TTLL7: variants seen among roughly 807,000 people sequenced by gnomAD.
TTLL7 encodes tubulin tyrosine ligase like 7, also known as tubulin polyglutamylase TTLL7.
TTLL7 carries 53 observed loss-of-function variants against 120.2 expected under a neutral mutation model. That is an observed-to-expected ratio of 0.44 (90% CI 0.35 to 0.55). The LOEUF is 0.55. Among genes scored for constraint, TTLL7 ranks in the 20% least tolerant of loss-of-function variants. The pLI is 0.00. For missense variants in TTLL7, 803 were observed against 1,054.7 expected, an observed-to-expected ratio of 0.76 and a Z score of 3.31; for synonymous variants, 353 against 351.7, an observed-to-expected ratio of 1.00 and a Z score of -0.04.
At chr1:83,904,204 A>G in intron 17 of TTLL7, 45 bp from the exon 18 acceptor site, 1 of 1,436,718 alleles carries the variant, frequency 7.0e-7, no homozygotes, top group Non-Finnish European at 9.7e-7. Flanking sequence ...GTTGAAACCC[A>G]TTTTTTAAAT....
intron 14 of TTLL7, among the ~76,000 whole-genome samples, chr1:83,914,353 G>C (rs1033668084): frequency 1.3e-5 from 1 of 74,788 alleles, no homozygotes; most frequent in African/African-American, 4.9e-5. Flanking sequence ...TTTTTTGTGA[G>C]ACAGAGTCTT....
chr1:83,953,961 C>A (rs2100867329), intron 1 of TTLL7, among the ~76,000 whole-genome samples: 1 of 152,256 alleles, frequency 6.6e-6, no homozygotes, highest in African/African-American at 2.4e-5. Flanking sequence ...CAATGCCAAG[C>A]TGGAAACAGA....
chr1:83,946,964 T>A (rs1571273067), intron 6 of TTLL7, among the ~76,000 whole-genome samples, 160 bp downstream of exon 6: 1 of 152,218 alleles, frequency 6.6e-6, no homozygotes, highest in Non-Finnish European at 1.5e-5. Context: ...TTTAAAAGAA[T>A]AGAGATCATT....
intron 1 of TTLL7, among the ~76,000 whole-genome samples, chr1:83,970,369 T>G (rs1650861044): frequency 6.6e-6 from 1 of 152,106 alleles, no homozygotes; most frequent in Non-Finnish European, 1.5e-5. Context: ...TATATTTGTA[T>G]GAGGTGCTAT....
At chr1:83,953,893 T>C (rs776166519) in intron 1 of TTLL7, among the ~76,000 whole-genome samples, 20 of 152,142 alleles carry the variant, frequency 1.3e-4, no homozygotes, top group East Asian at 7.7e-4. Flanking sequence ...TTCTGGGAAT[T>C]TGCAATACTT....
intron 20 of TTLL7, among the ~76,000 whole-genome samples, chr1:83,879,218 T>C (rs187135610): frequency 6.6e-6 from 1 of 152,148 alleles, no homozygotes; most frequent in Admixed American, 6.6e-5. Flanking sequence ...AAAAGAAATA[T>C]GGCCACTTTT....
intron 18 of TTLL7, among the ~76,000 whole-genome samples, chr1:83,899,337 A>T (rs185424515): frequency 7.7e-4 from 117 of 152,048 alleles, no homozygotes; most frequent in African/African-American, 2.1e-3. Flanking sequence ...CCCAATAATC[A>T]TGAGACTAGC....
At chr1:83,942,044 C>T (rs1333078609) in intron 7 of TTLL7, among the ~76,000 whole-genome samples, 3 of 152,156 alleles carry the variant, frequency 2.0e-5, no homozygotes, top group East Asian at 1.9e-4. Context: ...ACATGTTATA[C>T]AAAGCCTGCT....
chr1:83,927,138 T>C (rs889395148), intron 10 of TTLL7, among the ~76,000 whole-genome samples: 5 of 152,190 alleles, frequency 3.3e-5, no homozygotes, highest in African/African-American at 9.7e-5. Flanking sequence ...TTTATATTCT[T>C]CTGAATTTCC....
Position 83,947,141 on chromosome 1 carries a change from A to G in TTLL7, c.489T>C (p.Asn163=), listed in dbSNP as rs1489595959. Residue 163 remains asparagine (N), a synonymous_variant, in exon 6 of 21, where the codon AAT becomes AAC. Transcript: ENST00000260505. ...AAACCTACCCATGACCCATTGCACC[A>G]TTAGCTGGTTTCACTATAAAAGTTT... ...KQKTFIVKPA[N]GAMGHGISLI... 2 of 1,612,062 alleles carry G rather than the reference A, an allele frequency of 1.2e-6. No homozygotes were observed. Among genetic ancestry groups the G allele is most frequent in the South Asian group, 2.2e-5 (2 of 90,502 alleles).
chr1:83,979,055 CAG>C (rs1054337423), intron 1 of TTLL7: 2 of 152,226 alleles, frequency 1.3e-5, no homozygotes, highest in African/African-American at 2.4e-5. Context: ...TGCTTAGCTT[CAG>C]CAGCCCGCAA....
chr1:83,952,111 A>G (rs1649122457), intron 2 of TTLL7, 76 bp downstream of exon 2: 2 of 1,533,356 alleles, frequency 1.3e-6, no homozygotes, highest in Non-Finnish European at 1.8e-6. Context: ...ATTAATTTTT[A>G]ATACTTTAAA....
chr1:83,966,461 G>A (rs1408160385), intron 1 of TTLL7, among the ~76,000 whole-genome samples: 1 of 151,840 alleles, frequency 6.6e-6, no homozygotes, highest in Non-Finnish European at 1.5e-5. Context: ...TATTCCATAG[G>A]ATCAGCTACA....
intron 2 of TTLL7, 57 bp downstream of exon 2, chr1:83,952,130 C>G: frequency 1.3e-6 from 2 of 1,522,626 alleles, no homozygotes; most frequent in Non-Finnish European, 1.8e-6. Context: ...AAAATATTAA[C>G]AGTAATGATG....
At chr1:83,974,324 G>C (rs1209848218) in intron 1 of TTLL7, among the ~76,000 whole-genome samples, 2 of 151,706 alleles carry the variant, frequency 1.3e-5, no homozygotes, top group African/African-American at 4.8e-5. Context: ...CAAAGACTAC[G>C]ACAAAATTAG....
At chr1:83,875,683 A>T (rs1263162123) in intron 20 of TTLL7, among the ~76,000 whole-genome samples, 1 of 151,870 alleles carries the variant, frequency 6.6e-6, no homozygotes, top group Non-Finnish European at 1.5e-5. Flanking sequence ...ATATGCAGTG[A>T]TTCTGACATT....
At chr1:83,871,975 G>C (rs1259715570) in intron 20 of TTLL7, among the ~76,000 whole-genome samples, 1 of 151,450 alleles carries the variant, frequency 6.6e-6, no homozygotes, top group Non-Finnish European at 1.5e-5. Flanking sequence ...GAAAAACGGA[G>C]GGCCAAGGGC....
At chr1:83,926,357 G>A (rs780451265) in intron 10 of TTLL7, among the ~76,000 whole-genome samples, 3 of 151,680 alleles carry the variant, frequency 2.0e-5, no homozygotes, top group Admixed American at 6.6e-5. Context: ...AGTATCTATC[G>A]GACCAGGGCA....
chr1:83,942,142 T>C (rs1648037457), intron 7 of TTLL7, among the ~76,000 whole-genome samples: 1 of 152,182 alleles, frequency 6.6e-6, no homozygotes, highest in Non-Finnish European at 1.5e-5. Context: ...CATTGCATGT[T>C]AGTATTATTT....
Sources: gnomAD v4.1 joint callset for allele counts (sites outside exome capture counted in the v4.1 genomes callset) on GRCh38, gnomAD v4.1.1 for gene constraint, MANE v1.5 for transcripts, NCBI Gene and HGNC (gene_info 2026-07-23, HGNC 2026-07-21) for gene names.